ARK2C: variants seen among roughly 807,000 people sequenced by gnomAD.
ARK2C encodes E3 ubiquitin-protein ligase ARK2C.
At chr18:46,388,965 T>C in the ARK2C span, among the ~76,000 whole-genome samples, 108 of 152,164 alleles carry the variant, frequency 7.1e-4, no homozygotes, top group Non-Finnish European at 1.4e-3. Flanking sequence ...TGGCTGTTTA[T>C]TGGATTTCTT....
the ARK2C span, chr18:46,336,716 A>G: frequency 2.0e-6 from 2 of 985,316 alleles, no homozygotes; most frequent in Non-Finnish European, 2.4e-6. Context: ...TTAGCCGAGT[A>G]CATTGCACTG....
chr18:46,432,931 C>A, the ARK2C span, among the ~76,000 whole-genome samples: 2 of 152,166 alleles, frequency 1.3e-5, no homozygotes, highest in South Asian at 4.2e-4. Flanking sequence ...GGCGACAGAG[C>A]GAGACTCCGT....
chr18:46,456,226 G>A, the ARK2C span: 27 of 650,722 alleles, frequency 4.1e-5, no homozygotes, highest in Middle Eastern at 1.6e-3. Context: ...TGGTTGCCCT[G>A]GGAAGGTGGG....
the ARK2C span, among the ~76,000 whole-genome samples, chr18:46,446,127 C>T: frequency 6.6e-6 from 1 of 152,158 alleles, no homozygotes; most frequent in African/African-American, 2.4e-5. Context: ...TATTCTTCCA[C>T]CAGAGAGCAC....
chr18:46,394,851 G>C, the ARK2C span, among the ~76,000 whole-genome samples: 1 of 152,188 alleles, frequency 6.6e-6, no homozygotes, highest in Non-Finnish European at 1.5e-5. Context: ...TTTATTACAG[G>C]CTAGTTCTTT....
the ARK2C span, among the ~76,000 whole-genome samples, chr18:46,448,077 C>T: frequency 6.6e-6 from 1 of 151,204 alleles, no homozygotes; most frequent in Non-Finnish European, 1.5e-5. Context: ...CTTTTCGGTG[C>T]CCTGGCCCCC....
chr18:46,373,885 G>A, the ARK2C span, among the ~76,000 whole-genome samples: 1 of 151,790 alleles, frequency 6.6e-6, no homozygotes, highest in Non-Finnish European at 1.5e-5. Context: ...CCCAGACCCT[G>A]TGCCCCTGAG....
At chr18:46,394,063 C>T in the ARK2C span, among the ~76,000 whole-genome samples, 2 of 152,156 alleles carry the variant, frequency 1.3e-5, no homozygotes, top group Non-Finnish European at 2.9e-5. Context: ...CTGTTGCCCT[C>T]GGGTACCGGA....
At chr18:46,440,861 G>GT in the ARK2C span, among the ~76,000 whole-genome samples, 86 of 148,650 alleles carry the variant, frequency 5.8e-4, no homozygotes, top group South Asian at 3.0e-3. Flanking sequence ...GGTTTATAGG[G>GT]TTTTTTTTTT....
chr18:46,362,296 C>A, the ARK2C span, among the ~76,000 whole-genome samples: 6 of 152,236 alleles, frequency 3.9e-5, no homozygotes, highest in Admixed American at 3.9e-4. Flanking sequence ...TGGTTTCTAA[C>A]TGAGACTCTT....
chr18:46,412,565 G>A, the ARK2C span, among the ~76,000 whole-genome samples: 3 of 152,220 alleles, frequency 2.0e-5, no homozygotes, highest in Non-Finnish European at 4.4e-5. Context: ...GTCCAGTCAT[G>A]TGCTGATGAG....
At chr18:46,427,024 G>A in the ARK2C span, among the ~76,000 whole-genome samples, 1 of 152,240 alleles carries the variant, frequency 6.6e-6, no homozygotes, top group African/African-American at 2.4e-5. Flanking sequence ...CAGAGCAGCT[G>A]CTGCCTGGTA....
At chr18:46,405,912 C>T in the ARK2C span, among the ~76,000 whole-genome samples, 1 of 152,090 alleles carries the variant, frequency 6.6e-6, no homozygotes, top group African/African-American at 2.4e-5. Flanking sequence ...CACTCCCTTC[C>T]TCCTCCCGGA....
At chr18:46,369,930 G>C in the ARK2C span, among the ~76,000 whole-genome samples, 1 of 152,020 alleles carries the variant, frequency 6.6e-6, no homozygotes, top group Non-Finnish European at 1.5e-5. Flanking sequence ...AGAGCTGCTG[G>C]CCCTCCACAC....
At chr18:46,404,148 G>A in the ARK2C span, among the ~76,000 whole-genome samples, 4 of 151,962 alleles carry the variant, frequency 2.6e-5, no homozygotes, top group African/African-American at 4.8e-5. Flanking sequence ...TATGATTTAC[G>A]GTCTAAAACC....
At chr18:46,442,142 G>A in the ARK2C span, among the ~76,000 whole-genome samples, 1 of 142,296 alleles carries the variant, frequency 7.0e-6, no homozygotes, top group Non-Finnish European at 1.5e-5. Flanking sequence ...CAGCCTGGGC[G>A]ACAGAGCGAA....
the ARK2C span, chr18:46,336,480 T>C: frequency 2.0e-6 from 2 of 985,388 alleles, no homozygotes; most frequent in Non-Finnish European, 2.4e-6. Flanking sequence ...AGGGGTGAGT[T>C]GGTCTGTGGG....
At chr18:46,452,391 C>T in the ARK2C span, among the ~76,000 whole-genome samples, 25 of 152,182 alleles carry the variant, frequency 1.6e-4, no homozygotes, top group Non-Finnish European at 3.5e-4. Flanking sequence ...GCAATTCTCC[C>T]ACGTCAGCCT....
At chr18:46,334,703 TGTGTGTGTGTGTGAGAGA>T in the ARK2C span, 123 of 312,040 alleles carry the variant, frequency 3.9e-4, 1 homozygote, top group African/African-American at 7.6e-4. This position sits in a 1 kb window ranked among gnomAD's most constrained non-coding sequence, Gnocchi z 4.4. Context: ...TGTGTGTGTG[TGTGTGTGTGTGTGAGAGA>T]GAGAGAGAGC....
Sources: gnomAD v4.1 joint callset for allele counts (sites outside exome capture counted in the v4.1 genomes callset) on GRCh38, gnomAD v4.1.1 for gene constraint, Gnocchi (gnomAD v3.1) non-coding constraint, MANE v1.5 for transcripts, NCBI Gene and HGNC (gene_info 2026-07-23, HGNC 2026-07-21) for gene names.